Variants in UIMC1 observed in about 807,000 individuals in gnomAD.
UIMC1 encodes ubiquitin interaction motif containing 1.
Under a neutral mutation model 84.9 loss-of-function variants are expected in UIMC1, and 42 were observed. The observed-to-expected ratio is 0.49, with a 90% CI of 0.39 to 0.64. The LOEUF is 0.64. UIMC1 is among the 30% of genes least tolerant of loss of function. The pLI is 0.00. For synonymous variants in UIMC1, 281 were observed against 293.0 expected (o/e 0.96, Z 0.42); for missense variants, 825 against 847.6 (o/e 0.97, Z 0.33).
Position 176,905,406 on chromosome 5 carries a change from A to T in UIMC1, c.2036T>A (p.Val679Asp). Residue 679 changes from valine to aspartate, a missense_variant, in exon 15 of 15, where the codon GTC (valine) becomes GAC (aspartate). Physicochemically the swap from Val to Asp is radical, Grantham distance 152. Coordinates refer to ENST00000511320, the MANE Select transcript of UIMC1 (RefSeq NM_001199298.2). ...FTRRDLNESP[V>D]KSFVSISEAT... ...TTCTGAAATGGAAACAAAAGACTTG[A>T]CGGGAGATTCATTTAAGTCACGACG... 6.2e-7 allele frequency: 1 copy of T among 1,614,156 alleles called. No individual in the cohort carries two copies. Among genetic ancestry groups the T allele is most frequent in the Non-Finnish European group, 8.5e-7 (1 of 1,180,002 alleles).
intron 1 of UIMC1, among the ~76,000 whole-genome samples, chr5:176,999,289 G>T (rs1468751310): frequency 1.3e-5 from 2 of 151,972 alleles, no homozygotes; most frequent in African/African-American, 4.8e-5. Flanking sequence ...ATTTTTGTGG[G>T]TACATAGGTG....
At chr5:176,990,185 A>T (rs1043196739) in intron 1 of UIMC1, among the ~76,000 whole-genome samples, 6 of 151,930 alleles carry the variant, frequency 3.9e-5, no homozygotes, top group Admixed American at 3.9e-4. Context: ...TGTTACAAAA[A>T]AAAAAAACAA....
At chr5:176,983,303 T>C (rs978437581) in intron 1 of UIMC1, among the ~76,000 whole-genome samples, 4 of 151,762 alleles carry the variant, frequency 2.6e-5, no homozygotes, top group African/African-American at 7.3e-5. Flanking sequence ...GCCACGATCT[T>C]GGCTCGCTGC....
At chr5:177,021,613 A>C (rs1775828021) in intron 1 of UIMC1, among the ~76,000 whole-genome samples, 1 of 151,886 alleles carries the variant, frequency 6.6e-6, no homozygotes, top group Admixed American at 6.6e-5. Flanking sequence ...GGTTAAGGGA[A>C]GTCAGATTGT....
At chr5:176,995,291 G>C (rs572356270) in intron 1 of UIMC1, among the ~76,000 whole-genome samples, 1 of 151,984 alleles carries the variant, frequency 6.6e-6, no homozygotes, top group African/African-American at 2.4e-5. Flanking sequence ...GCTCACACTT[G>C]TAATCCCAGC....
At chr5:176,991,371 C>A (rs1055483210) in intron 1 of UIMC1, among the ~76,000 whole-genome samples, 5 of 151,894 alleles carry the variant, frequency 3.3e-5, no homozygotes, top group Non-Finnish European at 7.4e-5. Flanking sequence ...ATAATGAAGA[C>A]TACCCAAAGA....
At chr5:176,905,942 GA>G in intron 14 of UIMC1, 68 bp downstream of exon 14, 1 of 1,543,406 alleles carries the variant, frequency 6.5e-7, no homozygotes, top group Non-Finnish European at 9.0e-7. Context: ...ACTACACACA[GA>G]ACACAGGACA....
At chr5:176,983,666 A>C (rs1413894562) in intron 1 of UIMC1, among the ~76,000 whole-genome samples, 3 of 152,018 alleles carry the variant, frequency 2.0e-5, no homozygotes, top group African/African-American at 7.2e-5. Flanking sequence ...CCATCTAAGA[A>C]GTGAGCAGTG....
chr5:177,007,340 CAA>C (rs56871601), upstream of UIMC1, among the ~76,000 whole-genome samples: 11 of 58,396 alleles, frequency 1.9e-4, no homozygotes, highest in Admixed American at 9.7e-4. Flanking sequence ...GACTCCGTCT[CAA>C]AAAAAAAAAA....
chr5:176,980,730 T>A (rs1179706309), intron 2 of UIMC1, among the ~76,000 whole-genome samples: 2 of 152,164 alleles, frequency 1.3e-5, no homozygotes, highest in African/African-American at 4.8e-5. Context: ...AATATTAAGA[T>A]GATATCCAAG....
intron 1 of UIMC1, among the ~76,000 whole-genome samples, chr5:176,995,672 T>C (rs1396438177): frequency 3.4e-5 from 5 of 148,264 alleles, no homozygotes; most frequent in African/African-American, 1.2e-4. Flanking sequence ...TGAAACCCCA[T>C]CTCTACTACA....
chr5:176,935,683 T>C (rs1763635382), intron 10 of UIMC1, among the ~76,000 whole-genome samples: 1 of 152,210 alleles, frequency 6.6e-6, no homozygotes, highest in Admixed American at 6.5e-5. Flanking sequence ...AAATTACATT[T>C]AGGTAGGCAT....
intron 10 of UIMC1, among the ~76,000 whole-genome samples, chr5:176,928,124 T>C (rs527268307): frequency 1.6e-3 from 246 of 152,258 alleles, no homozygotes; most frequent in African/African-American, 5.7e-3. Flanking sequence ...GATTATAGGC[T>C]TGAGGTACCA....
At chr5:176,923,034 T>C (rs529333188) in intron 10 of UIMC1, among the ~76,000 whole-genome samples, 251 of 152,350 alleles carry the variant, frequency 1.6e-3, no homozygotes, top group Middle Eastern at 3.4e-3. Flanking sequence ...CAGGTATTTA[T>C]AGGCTTCAAG....
chr5:176,993,880 C>A (rs1403617122), intron 1 of UIMC1, among the ~76,000 whole-genome samples: 2 of 151,804 alleles, frequency 1.3e-5, no homozygotes, highest in Non-Finnish European at 2.9e-5. Context: ...TGGTGGCAGG[C>A]ACTTGTAGTC....
At chr5:176,948,299 T>C (rs576168079) in intron 9 of UIMC1, among the ~76,000 whole-genome samples, 1 of 152,332 alleles carries the variant, frequency 6.6e-6, no homozygotes, top group Non-Finnish European at 1.5e-5. Context: ...TCAAATACTA[T>C]TGAGCAATTC....
chr5:176,987,586 G>A (rs1772218261), intron 1 of UIMC1, among the ~76,000 whole-genome samples: 1 of 152,162 alleles, frequency 6.6e-6, no homozygotes, highest in South Asian at 2.1e-4. Flanking sequence ...CCAGGGCAGA[G>A]GTTGCAGTGA....
chr5:176,941,990 C>T (rs1217202698), intron 10 of UIMC1, among the ~76,000 whole-genome samples: 1 of 152,080 alleles, frequency 6.6e-6, no homozygotes, highest in African/African-American at 2.4e-5. Flanking sequence ...ATTACAGGAG[C>T]CCGGCACCAC....
intron 1 of UIMC1, among the ~76,000 whole-genome samples, chr5:176,990,338 C>T (rs1292269751): frequency 6.6e-6 from 1 of 152,044 alleles, no homozygotes; most frequent in Non-Finnish European, 1.5e-5. Context: ...CAAGAAGGTC[C>T]CATCTTTTAA....
Sources: gnomAD v4.1 joint callset for allele counts (sites outside exome capture counted in the v4.1 genomes callset) on GRCh38, gnomAD v4.1.1 for gene constraint, MANE v1.5 for transcripts, NCBI Gene and HGNC (gene_info 2026-07-23, HGNC 2026-07-21) for gene names.